Variants in DACH1 observed in about 807,000 individuals in gnomAD.
The protein encoded by DACH1 is dachshund family transcription factor 1.
Under a neutral mutation model 54.2 loss-of-function variants are expected in DACH1, and 12 were observed. The observed-to-expected ratio is 0.22, with a 90% CI of 0.14 to 0.36. DACH1 has a LOEUF of 0.36. Ranked by LOEUF, DACH1 falls within the 10% of genes least tolerant of loss-of-function variation. The pLI is 1.00. For missense variants in DACH1, 805 were observed against 929.8 expected, an observed-to-expected ratio of 0.87 and a Z score of 1.75; for synonymous variants, 386 against 366.2, an observed-to-expected ratio of 1.05 and a Z score of -0.62.
intron 1 of DACH1, among the ~76,000 whole-genome samples, chr13:71,711,658 C>T (rs1882728861): frequency 2.0e-5 from 3 of 152,042 alleles, no homozygotes; most frequent in Admixed American, 6.6e-5. Context: ...TTTAAAAAAT[C>T]TATCCTTCAC....
chr13:71,522,671 A>G (rs576527278), intron 6 of DACH1, among the ~76,000 whole-genome samples: 83 of 152,016 alleles, frequency 5.5e-4, no homozygotes, highest in Non-Finnish European at 1.1e-3. Context: ...TAATATGAGT[A>G]ATAACTATAT....
At chr13:71,704,506 A>G in intron 1 of DACH1, 1 of 370,418 alleles carries the variant, frequency 2.7e-6, no homozygotes, top group Non-Finnish European at 5.4e-6. Flanking sequence ...TGTGAAGGAA[A>G]GTGATCAGTA....
chr13:71,645,042 T>A (rs1448788800), intron 2 of DACH1, among the ~76,000 whole-genome samples: 1 of 152,232 alleles, frequency 6.6e-6, no homozygotes, highest in African/African-American at 2.4e-5. Flanking sequence ...TCGAAAAATG[T>A]GGTTAAGCCT....
intron 3 of DACH1, among the ~76,000 whole-genome samples, chr13:71,587,925 C>G (rs997388943): frequency 6.6e-6 from 1 of 152,100 alleles, no homozygotes; most frequent in South Asian, 2.1e-4. Flanking sequence ...GTTACTGCAG[C>G]TGTTGTGTAG....
intron 7 of DACH1, among the ~76,000 whole-genome samples, chr13:71,482,066 A>G (rs767465019): frequency 6.6e-6 from 1 of 152,216 alleles, no homozygotes; most frequent in Non-Finnish European, 1.5e-5. Flanking sequence ...GACAAGTCTA[A>G]TGAAATACAT....
At chr13:71,491,520 A>C (rs2099235443) in intron 6 of DACH1, among the ~76,000 whole-genome samples, 1 of 152,168 alleles carries the variant, frequency 6.6e-6, no homozygotes, top group Non-Finnish European at 1.5e-5. Flanking sequence ...GGATTCCTTC[A>C]TTTATCATCT....
At chr13:71,740,014 T>G (rs1316725980) in intron 1 of DACH1, among the ~76,000 whole-genome samples, 4 of 152,184 alleles carry the variant, frequency 2.6e-5, no homozygotes, top group African/African-American at 9.7e-5. Context: ...GTTTAAGAAT[T>G]TCAAAACCAT....
intron 2 of DACH1, among the ~76,000 whole-genome samples, chr13:71,662,946 A>C (rs1166723536): frequency 6.6e-6 from 1 of 151,936 alleles, no homozygotes; most frequent in Non-Finnish European, 1.5e-5. Flanking sequence ...AATGTCATTC[A>C]TCTTTGCAAC....
chr13:71,844,947 A>G (rs1010622598), intron 1 of DACH1, among the ~76,000 whole-genome samples: 2 of 152,180 alleles, frequency 1.3e-5, no homozygotes, highest in Admixed American at 6.5e-5. Context: ...AGTGGATACT[A>G]AAGGCTGGGA....
intron 6 of DACH1, among the ~76,000 whole-genome samples, chr13:71,548,502 C>CA: frequency 6.6e-6 from 1 of 152,200 alleles, no homozygotes; most frequent in South Asian, 2.1e-4. Context: ...GGAAGGAAAA[C>CA]AAGTGTTTTA....
At chr13:71,711,544 T>C (rs995856068) in intron 1 of DACH1, among the ~76,000 whole-genome samples, 1 of 152,170 alleles carries the variant, frequency 6.6e-6, no homozygotes, top group African/African-American at 2.4e-5. Context: ...TGTTAAACAT[T>C]CTACACATTA....
intron 6 of DACH1, among the ~76,000 whole-genome samples, chr13:71,517,307 A>G (rs1881234536): frequency 6.6e-6 from 1 of 151,840 alleles, no homozygotes; most frequent in Non-Finnish European, 1.5e-5. Flanking sequence ...ACTACATCCC[A>G]TAACATGAAT....
At chr13:71,529,436 C>T (rs1397437716) in intron 6 of DACH1, among the ~76,000 whole-genome samples, 3 of 152,034 alleles carry the variant, frequency 2.0e-5, no homozygotes, top group African/African-American at 4.8e-5. Flanking sequence ...CCACTTGCCT[C>T]GGTCTCCCAA....
rs766036714 is a variant in DACH1 at position 71,489,087 on chromosome 13, C to A, written c.1632G>T (p.Gly544=). 4 of 1,613,538 alleles carry A rather than the reference C, an allele frequency of 2.5e-6. No homozygotes were observed. The highest frequency in any genetic ancestry group is 4.5e-5 in the East Asian group (2 of 44,860). Residue 544 remains glycine, a synonymous_variant, in exon 7 of 11, where the codon GGG becomes GGT. Transcript: ENST00000613252. ...RDSLDKLSLT[G]HGQPLPPGFP... is the part of the protein sequence containing the mutation. The stretch of plus-strand genomic sequence containing the variant: ...AACCTGGAGGCAGTGGTTGTCCATG[C>A]CCAGTTAGAGAGAGTTTGTCAAGGC...
chr13:71,815,398 A>ACCATTGCC (rs1490949880), intron 1 of DACH1, among the ~76,000 whole-genome samples: 3 of 152,154 alleles, frequency 2.0e-5, no homozygotes, highest in Non-Finnish European at 4.4e-5. Flanking sequence ...CATTGCCTAA[A>ACCATTGCC]ATAACACTGT....
At chr13:71,518,716 G>A (rs933057947) in intron 6 of DACH1, among the ~76,000 whole-genome samples, 4 of 151,680 alleles carry the variant, frequency 2.6e-5, no homozygotes, top group African/African-American at 7.3e-5. Context: ...GAGGTGAGAG[G>A]CTGACAGGGG....
chr13:71,765,868 A>T (rs189853389), intron 1 of DACH1, among the ~76,000 whole-genome samples: 18 of 148,458 alleles, frequency 1.2e-4, no homozygotes, highest in Non-Finnish European at 1.6e-4. Flanking sequence ...CAAAAGGATT[A>T]TTCTTCTTCT....
At position 71,457,124 on chromosome 13, in the gene DACH1, T is replaced by C. The variant is rs544741658; in HGVS notation, c.2084-16432A>G. ...CCTTCATCAAAATAAGAATGCATTA[T>C]ACTGTTCAAATGACTGCAAAAAATA... On this transcript the variant is annotated intron_variant, in intron 10 of 10. Transcript: ENST00000613252. 4.6e-5 allele frequency among the ~76,000 whole-genome samples: 7 copies of C among 152,184 alleles called. No homozygotes were observed. In the East Asian group the frequency reaches 7.7e-4, roughly 17 times the overall value.
chr13:71,816,348 G>C (rs2138166078), intron 1 of DACH1, among the ~76,000 whole-genome samples: 1 of 151,936 alleles, frequency 6.6e-6, no homozygotes, highest in South Asian at 2.1e-4. Context: ...GGAAAGGCAA[G>C]ATTGTAATAT....
Sources: gnomAD v4.1 joint callset for allele counts (sites outside exome capture counted in the v4.1 genomes callset) on GRCh38, gnomAD v4.1.1 for gene constraint, MANE v1.5 for transcripts, NCBI Gene and HGNC (gene_info 2026-07-23, HGNC 2026-07-21) for gene names.